The following TARBP1 variants were observed in gnomAD, a reference collection of about 807,000 sequenced individuals.
TARBP1 encodes the protein tRNA guanosine 2 -O-methyltransferase TARBP1.
Under a neutral mutation model 178.6 loss-of-function variants are expected in TARBP1, and 144 were observed. That is an observed-to-expected ratio of 0.81 (90% CI 0.70 to 0.93). The LOEUF is 0.93. Among genes scored for constraint, TARBP1 ranks in the 40% least tolerant of loss-of-function variants. The probability of loss-of-function intolerance (pLI) is 0.00; values close to 1 mark genes in which losing one functional copy is unlikely to be tolerated. For synonymous variants in TARBP1, 787 were observed against 781.0 expected (o/e 1.01, Z -0.13); for missense variants, 2,067 against 2,011.7 (o/e 1.03, Z -0.53).
At chr1:234,410,616 G>C in intron 22 of TARBP1, 85 bp from the exon 23 acceptor site, 1 of 851,052 alleles carries the variant, frequency 1.2e-6, no homozygotes, top group African/African-American at 1.7e-5. Flanking sequence ...GACTCTATGA[G>C]GGCCCAGGAC....
chr1:234,406,052 G>C lies in TARBP1; in HGVS notation c.3840C>G (p.Phe1280Leu). 6.2e-7 allele frequency: 1 copy of C among 1,614,154 alleles called. No individual in the cohort carries two copies. The highest frequency in any genetic ancestry group is 8.5e-7 in the Non-Finnish European group (1 of 1,180,020). ...ACAGTCGAACACTAAAATTGTGATT[G>C]AAACACCACTGCAGCACAACTATAA... Reference protein sequence around the residue: ...QALIVVLQWCFNHNFSVRLYA... With the variant: ...QALIVVLQWCLNHNFSVRLYA... The change falls in exon 24 of 30, where the codon TTC (phenylalanine) becomes TTG (leucine). Residue 1280 changes from phenylalanine to leucine, a missense_variant. By Grantham distance (22) the Phe-to-Leu change is conservative (BLOSUM62 0). Coordinates refer to ENST00000040877, the MANE Select transcript of TARBP1 (RefSeq NM_005646.4).
At chr1:234,426,477 A>C (rs73101941) in intron 19 of TARBP1, among the ~76,000 whole-genome samples, 3,061 of 152,296 alleles carry the variant, frequency 0.02, 69 homozygotes, top group African/African-American at 0.06. Flanking sequence ...GCCAAGAAAA[A>C]ATAACTAAAA....
At chr1:234,413,435 T>C (rs924136943) in intron 22 of TARBP1, among the ~76,000 whole-genome samples, 2 of 152,228 alleles carry the variant, frequency 1.3e-5, no homozygotes, top group South Asian at 2.1e-4. Flanking sequence ...GATTGTGCCA[T>C]TGCACTCTAG....
chr1:234,451,345 C>A (rs1484128245), intron 9 of TARBP1, among the ~76,000 whole-genome samples: 1 of 152,084 alleles, frequency 6.6e-6, no homozygotes, highest in Non-Finnish European at 1.5e-5. Flanking sequence ...TGAAATGAGT[C>A]TTTCTAAAAA....
In TARBP1 at chr1:234,391,709, T is replaced by G. The variant is rs371571135; in HGVS notation, c.4734A>C (p.Gln1578His). 1.2e-6 allele frequency: 2 copies of G among 1,613,424 alleles called. No individual in the cohort carries two copies. Among genetic ancestry groups the G allele is most frequent in the Non-Finnish European group, 1.7e-6 (2 of 1,179,948 alleles). The change falls in exon 30 of 30, where the codon CAA becomes CAC. Residue 1578 changes from glutamine (Q) to histidine (H), a missense_variant. Physicochemically the swap from Gln to His is conservative, Grantham distance 24. Transcript: ENST00000040877. Reference sequence around the variant, plus strand: ...GAATTTCCACACAAACGTCCAACTGTTGGATCAGATTTGCTGGAATTCCCT... The same window carrying G: ...GAATTTCCACACAAACGTCCAACTGGTGGATCAGATTTGCTGGAATTCCCT... Reference protein sequence around the residue: ...EREGIPANLIQQLDVCVEIPQ... With the variant: ...EREGIPANLIHQLDVCVEIPQ...
At chr1:234,467,195 G>A (rs1366510863) in intron 4 of TARBP1, among the ~76,000 whole-genome samples, 1 of 152,166 alleles carries the variant, frequency 6.6e-6, no homozygotes, top group Non-Finnish European at 1.5e-5. Flanking sequence ...AGCATCACCT[G>A]ATAGCTTCTA....
At chr1:234,438,540 C>T (rs1021819060) in intron 12 of TARBP1, among the ~76,000 whole-genome samples, 4 of 152,028 alleles carry the variant, frequency 2.6e-5, no homozygotes, top group African/African-American at 7.3e-5. Context: ...AAAGGAGGTG[C>T]GAGAGGAGTC....
At chr1:234,463,521 G>A (rs1021742844) in intron 6 of TARBP1, among the ~76,000 whole-genome samples, 3 of 152,020 alleles carry the variant, frequency 2.0e-5, no homozygotes, top group African/African-American at 7.3e-5. Context: ...ACCAAGTTCC[G>A]TATTTCTCAA....
rs1661191926 is a variant in TARBP1 at position 234,405,931 on chromosome 1, G to A, written c.3961C>T (p.His1321Tyr). The A allele has an allele frequency of 6.2e-7, 1 of 1,614,138 alleles. No individual in the cohort carries two copies. Among genetic ancestry groups the A allele is most frequent in the Non-Finnish European group, 8.5e-7 (1 of 1,180,000 alleles). The change falls in exon 24 of 30, where the codon CAT becomes TAT. Residue 1321 changes from histidine (H) to tyrosine (Y), a missense_variant. By Grantham distance (83) the His-to-Tyr change is moderately conservative (BLOSUM62 2). Transcript: ENST00000040877. The part of the protein sequence containing the change: ...ALTPVIESSL[H>Y]QVESMHGAGN... ...GCTCCGTGCATGCTTTCCACTTGAT[G>A]GAGGCTGGATTCAATCACAGGAGTC...
chr1:234,457,698 G>C lies in TARBP1; in HGVS notation c.1691C>G (p.Ser564Cys). The change falls in exon 9 of 30, where the codon TCC becomes TGC. Residue 564 changes from serine (S) to cysteine (C), a missense_variant. Ser to Cys is a moderately radical substitution (Grantham distance 112). Coordinates refer to ENST00000040877, the MANE Select transcript of TARBP1 (RefSeq NM_005646.4). ...CCACAATGAAGTTCCTCGTCCTAAG[G>C]ATTCCTCTTGTCTCAGAGACATGAG... ...TFLMSLRQEE[S>C]LGRGTSLWTE... is the part of the protein sequence containing the mutation. The C allele has an allele frequency of 6.2e-7, 1 of 1,609,396 alleles. No homozygotes were observed.
At position 234,437,383 on chromosome 1, in the gene TARBP1, G is replaced by T; in HGVS notation, c.2135-11C>A. On this transcript the variant is annotated splice_polypyrimidine_tract_variant and intron_variant, in intron 12 of 29. Transcript: ENST00000040877. The stretch of plus-strand genomic sequence containing the variant: ...CAGTAGACACCTCATCTGTATGGGG[G>T]CAAAAAGCATGCAACTAAAATGACA... The T allele has an allele frequency of 7.1e-7, 1 of 1,417,310 alleles. No individual in the cohort carries two copies. Among genetic ancestry groups the T allele is most frequent in the Non-Finnish European group, 9.6e-7 (1 of 1,037,022 alleles). 87.8% of individuals were successfully genotyped at this position (1,417,310 alleles called of 1,614,324 possible).
At chr1:234,473,517 G>A (rs1169877968) in intron 1 of TARBP1, among the ~76,000 whole-genome samples, 1 of 152,228 alleles carries the variant, frequency 6.6e-6, no homozygotes, top group Non-Finnish European at 1.5e-5. Flanking sequence ...CCTGGGTGCT[G>A]CGACTCCTCT....
Position 234,478,462 on chromosome 1 carries a change from C to T in TARBP1, c.642G>A (p.Leu214=). ...ACCCCAGGGACGCCCCAGGCGCGGCCAGCCCGCCCCACACGGCCCGCAGCG... is the reference window on the plus strand; with the variant it reads ...ACCCCAGGGACGCCCCAGGCGCGGCTAGCCCGCCCCACACGGCCCGCAGCG... ...GAALRAVWGG[L]AAPGASLGSG... Residue 214 remains leucine, a synonymous_variant, in exon 1 of 30, where the codon CTG becomes CTA. Transcript: ENST00000040877. The T allele has an allele frequency of 1.4e-6, 2 of 1,382,112 alleles. No homozygotes were observed. The highest frequency in any genetic ancestry group is 1.5e-5 in the South Asian group (1 of 68,298). The allele number at this position is 1,382,112 out of a possible 1,614,324, so 85.6% of individuals were successfully genotyped here. A position where few individuals can be genotyped will look rare whatever the true frequency, so the allele number is the denominator to read the frequency against.
chr1:234,434,768 AGAAG>A (rs1255172071), intron 13 of TARBP1, among the ~76,000 whole-genome samples: 2 of 151,756 alleles, frequency 1.3e-5, no homozygotes, highest in Non-Finnish European at 3.0e-5. Context: ...GAATGAGAAA[AGAAG>A]GGGTCAGGGA....
chr1:234,425,650 A>C (rs989751355), intron 20 of TARBP1, 23 bp downstream of exon 20: 3 of 1,489,038 alleles, frequency 2.0e-6, no homozygotes, highest in Non-Finnish European at 1.8e-6. Flanking sequence ...AAACAAAGAT[A>C]ATTTAAAGTA....
intron 14 of TARBP1, among the ~76,000 whole-genome samples, chr1:234,430,519 T>C (rs910381396): frequency 1.1e-4 from 17 of 152,140 alleles, no homozygotes; most frequent in Non-Finnish European, 1.0e-4. Context: ...CAATAAGAAC[T>C]CAGCAATTTA....
intron 19 of TARBP1, 63 bp from the exon 20 acceptor site, chr1:234,425,856 A>T: frequency 7.7e-7 from 1 of 1,303,766 alleles, no homozygotes; most frequent in Non-Finnish European, 1.1e-6. Flanking sequence ...AACATCAAAT[A>T]TTAGTTTCAA....
intron 12 of TARBP1, among the ~76,000 whole-genome samples, chr1:234,443,474 G>A (rs141344196): frequency 6.6e-5 from 10 of 152,032 alleles, no homozygotes; most frequent in East Asian, 3.8e-4. Context: ...GCCCATTAAC[G>A]AGTGTTGGAG....
At chr1:234,413,220 A>G (rs1429063665) in intron 22 of TARBP1, among the ~76,000 whole-genome samples, 1 of 152,084 alleles carries the variant, frequency 6.6e-6, no homozygotes, top group African/African-American at 2.4e-5. Context: ...CAGACAACAC[A>G]CACATCACGA....
Sources: allele counts gnomAD v4.1 joint callset (sites outside exome capture counted in the v4.1 genomes callset), GRCh38; gene constraint gnomAD v4.1.1; transcripts MANE v1.5; gene names NCBI Gene and HGNC (gene_info 2026-07-23, HGNC 2026-07-21).